CNKSR2: variants seen among roughly 807,000 people sequenced by gnomAD.
The protein encoded by CNKSR2 is connector enhancer of kinase suppressor of Ras 2, also known as CNK homolog protein 2.
A neutral mutation model predicts 84.4 loss-of-function variants in CNKSR2; 14 were observed. The ratio of observed to expected loss-of-function variants is 0.17; its 90% CI spans 0.11 to 0.26. CNKSR2 has a LOEUF of 0.26. CNKSR2 is among the 10% of genes least tolerant of loss of function. The probability of loss-of-function intolerance (pLI) is 1.00; values close to 1 mark genes in which losing one functional copy is unlikely to be tolerated. For missense variants in CNKSR2, 485 were observed against 771.2 expected, an observed-to-expected ratio of 0.63 and a Z score of 4.40; for synonymous variants, 275 against 277.9, an observed-to-expected ratio of 0.99 and a Z score of 0.10.
chrX:21,374,594 GGCAGCAGCAGCAGCAGCAGCAGCAGCA>G lies in CNKSR2; in HGVS notation c.-292_-266del. 2 of 459,616 alleles carry G rather than the reference GGCAGCAGCAGCAGCAGCAGCAGCAGCA, an allele frequency of 4.4e-6. No homozygotes were observed. Among genetic ancestry groups the G allele is most frequent in the South Asian group, 2.7e-5 (1 of 36,467 alleles). 37.9% of individuals were successfully genotyped at this position (459,616 alleles called of 1,213,427 possible). ...ACGGAGACCGGAGCGGAGCGGCGGA[GGCAGCAGCAGCAGCAGCAGCAGCAGCA>G]GCAGCAGCAGCCGCCGCCGCCGCCG... On this transcript the variant is annotated 5_prime_UTR_variant, in exon 1 of 22. Transcript: ENST00000379510.
rs1026297757 is a variant in CNKSR2, at chrX:21,629,350, T to C, written c.2693-19481T>C. Among the ~76,000 whole-genome samples the C allele has an allele frequency of 3.6e-5, 4 of 112,424 alleles. No homozygotes were observed. The Admixed American group carries it at 3.8e-4, about 11-fold the overall frequency. ...AACCAGTTCCAAAGTCACTTACACA[T>C]TTTCAGGTATCTTTTCAGCCGTGCC... On this transcript the variant is annotated intron_variant, in intron 20 of 21. Coordinates refer to ENST00000379510, the MANE Select transcript of CNKSR2 (RefSeq NM_014927.5).
intron 4 of CNKSR2, among the ~76,000 whole-genome samples, chrX:21,457,011 GT>G (rs2091003405): frequency 9.0e-6 from 1 of 111,247 alleles, no homozygotes; most frequent in Non-Finnish European, 1.9e-5. Context: ...TTTGTATGTT[GT>G]TTTTGGGAAA....
At chrX:21,636,087 G>A in intron 20 of CNKSR2, among the ~76,000 whole-genome samples, 1 of 111,330 alleles carries the variant, frequency 9.0e-6, no homozygotes, top group Non-Finnish European at 1.9e-5. Flanking sequence ...AGAAAACTAT[G>A]TTGATAGAGT....
Position 21,388,765 on chromosome X carries a change from CCA to C in CNKSR2, c.64+13807_64+13808del, listed in dbSNP as rs1442083326. 1.4e-3 allele frequency among the ~76,000 whole-genome samples: 160 copies of C among 111,340 alleles called. 3 individuals carry two copies. In the Admixed American group the frequency reaches 0.015, roughly 11 times the overall value. ...TTATATACATACTCCCTAACTCCCA[CCA>C]CAAAGAGGTGGCACTTAAATCCCCA... On this transcript the variant is annotated intron_variant, in intron 1 of 21. Coordinates refer to ENST00000379510, the MANE Select transcript of CNKSR2 (RefSeq NM_014927.5).
intron 4 of CNKSR2, among the ~76,000 whole-genome samples, chrX:21,445,720 T>A (rs2090845231): frequency 8.9e-6 from 1 of 112,283 alleles, no homozygotes; most frequent in Non-Finnish European, 1.9e-5. Context: ...TGTGCTTGAC[T>A]TATTTCACTT....
intron 8 of CNKSR2, among the ~76,000 whole-genome samples, chrX:21,509,156 T>C (rs761492902): frequency 8.9e-6 from 1 of 112,102 alleles, no homozygotes; most frequent in Non-Finnish European, 1.9e-5. Flanking sequence ...CACATTAAGA[T>C]ATTAAGTATT....
chrX:21,527,267 T>C (rs2091844212), intron 10 of CNKSR2, among the ~76,000 whole-genome samples: 1 of 110,536 alleles, frequency 9.0e-6, no homozygotes, highest in South Asian at 3.7e-4. Flanking sequence ...TATTAAATAA[T>C]AATTAGGATT....
At chrX:21,391,638 C>A (rs763281104) in intron 1 of CNKSR2, among the ~76,000 whole-genome samples, 1 of 112,043 alleles carries the variant, frequency 8.9e-6, no homozygotes, top group East Asian at 2.8e-4. Context: ...GCCTCTGACA[C>A]GAGGGGCTGC....
chrX:21,483,653 G>T (rs1425086014), intron 5 of CNKSR2, among the ~76,000 whole-genome samples: 1 of 105,717 alleles, frequency 9.5e-6, no homozygotes, highest in Non-Finnish European at 1.9e-5. Context: ...TGTGTATATG[G>T]AATAATAATT....
At chrX:21,545,081 G>A (rs2092011921) in intron 11 of CNKSR2, among the ~76,000 whole-genome samples, 2 of 111,239 alleles carry the variant, frequency 1.8e-5, no homozygotes, top group Non-Finnish European at 1.9e-5. Context: ...GGGAGCCAAG[G>A]GATCTAGCTC....
intron 5 of CNKSR2, among the ~76,000 whole-genome samples, chrX:21,482,908 G>C: frequency 9.0e-6 from 1 of 111,430 alleles, no homozygotes; most frequent in Non-Finnish European, 1.9e-5. Flanking sequence ...GGCCTTATTG[G>C]GATGAAGTTC....
chrX:21,506,291 T>C (rs1209685230), intron 8 of CNKSR2: 1 of 111,483 alleles, frequency 9.0e-6, no homozygotes, highest in Non-Finnish European at 1.9e-5. Flanking sequence ...TCATTCTCTT[T>C]TGGGAGGGGG....
At chrX:21,543,380 T>C (rs2091993320) in intron 11 of CNKSR2, among the ~76,000 whole-genome samples, 1 of 112,666 alleles carries the variant, frequency 8.9e-6, no homozygotes, top group South Asian at 3.6e-4. Flanking sequence ...GGAATTCTTA[T>C]TCCTTTAGAC....
rs770703876 is a variant in CNKSR2, at chrX:21,586,413, G to C, written c.1609-4159G>C. Among the ~76,000 whole-genome samples the C allele has an allele frequency of 2.3e-3, 259 of 111,461 alleles. 1 individual carries two copies. The highest frequency in any genetic ancestry group is 7.9e-3 in the African/African-American group (242 of 30,664). On this transcript the variant is annotated intron_variant, in intron 13 of 21. Transcript: ENST00000379510. ...CTCTCCCACTTGGATTTCATGGATG[G>C]AACTGCAACCCATTGCCACCACTAA...
intron 3 of CNKSR2, among the ~76,000 whole-genome samples, chrX:21,434,064 A>G (rs1013131908): frequency 2.2e-4 from 24 of 111,152 alleles, no homozygotes; most frequent in African/African-American, 7.8e-4. Flanking sequence ...CTTAAGTACT[A>G]TTAATATAAT....
chrX:21,400,878 A>G (rs900742869), intron 1 of CNKSR2, among the ~76,000 whole-genome samples: 12 of 111,475 alleles, frequency 1.1e-4, no homozygotes, highest in African/African-American at 3.6e-4. Flanking sequence ...TAGAGGTTTC[A>G]TTATGTGTGG....
chrX:21,381,242 G>A (rs1175516953), intron 1 of CNKSR2, among the ~76,000 whole-genome samples: 1 of 111,632 alleles, frequency 9.0e-6, no homozygotes, highest in African/African-American at 3.3e-5. Context: ...TCAAAGATGA[G>A]ACCAGAGACT....
intron 1 of CNKSR2, among the ~76,000 whole-genome samples, chrX:21,417,458 C>T (rs1436669850): frequency 1.8e-5 from 2 of 111,426 alleles, no homozygotes; most frequent in East Asian, 5.6e-4. Flanking sequence ...TAAACTCCAA[C>T]GTTTCTTGGT....
chrX:21,463,807 T>C (rs142683563), intron 4 of CNKSR2, among the ~76,000 whole-genome samples: 4,600 of 110,981 alleles, frequency 0.041, 88 homozygotes, highest in African/African-American at 0.053. Flanking sequence ...CTGCTGTGGC[T>C]GAGCTGGTAT....
Sources: gnomAD v4.1 joint callset for allele counts (sites outside exome capture counted in the v4.1 genomes callset) on GRCh38, gnomAD v4.1.1 for gene constraint, MANE v1.5 for transcripts, NCBI Gene and HGNC (gene_info 2026-07-23, HGNC 2026-07-21) for gene names.